TSHZ3: variants seen among roughly 807,000 people sequenced by gnomAD.
The protein encoded by TSHZ3 is teashirt zinc finger homeobox 3.
TSHZ3 carries 10 observed loss-of-function variants against 64.5 expected under a neutral mutation model. That is an observed-to-expected ratio of 0.16 (90% confidence interval 0.10 to 0.26). The LOEUF (loss-of-function observed/expected upper bound fraction) is 0.26, where lower values mean the gene tolerates loss of function less well. Ranked by LOEUF, TSHZ3 falls within the 10% of genes least tolerant of loss-of-function variation. TSHZ3 has a pLI of 1.00. For missense variants in TSHZ3, 1,242 were observed against 1,421.7 expected (o/e 0.87, Z 2.03); for synonymous variants, 608 against 593.1 (o/e 1.03, Z -0.36).
intron 1 of TSHZ3, among the ~76,000 whole-genome samples, chr19:31,268,614 C>T (rs1599613623): frequency 6.6e-6 from 1 of 152,104 alleles, no homozygotes; most frequent in Non-Finnish European, 1.5e-5. Flanking sequence ...AGATTACAGC[C>T]CTCTTCCCTC....
intron 1 of TSHZ3, among the ~76,000 whole-genome samples, chr19:31,325,450 C>A (rs1385644027): frequency 6.6e-6 from 1 of 152,192 alleles, no homozygotes; most frequent in African/African-American, 2.4e-5. Context: ...TATCCGTATC[C>A]ATTTTTGTTG....
intron 3 of TSHZ3, among the ~76,000 whole-genome samples, chr19:31,236,967 G>A (rs1458374748): frequency 3.3e-5 from 5 of 152,096 alleles, no homozygotes; most frequent in African/African-American, 9.7e-5. Context: ...TGGCCAACAC[G>A]GTGAAACCCC....
chr19:31,348,377 TG>T (rs1426030585), intron 1 of TSHZ3, among the ~76,000 whole-genome samples: 19 of 151,984 alleles, frequency 1.3e-4, no homozygotes, highest in African/African-American at 4.4e-4. Context: ...GTGTGGTTTT[TG>T]TTTTGTTTTC....
chr19:31,309,482 C>G (rs1916394570), intron 1 of TSHZ3, among the ~76,000 whole-genome samples: 1 of 152,144 alleles, frequency 6.6e-6, no homozygotes, highest in African/African-American at 2.4e-5. Flanking sequence ...CATTGAGGCT[C>G]TCTCAGTATA....
intron 5 of TSHZ3, among the ~76,000 whole-genome samples, chr19:31,194,447 A>C (rs574505031): frequency 6.6e-6 from 1 of 152,298 alleles, no homozygotes; most frequent in African/African-American, 2.4e-5. Context: ...GAAAGGAAAT[A>C]CCCAACTCCA....
At chr19:31,233,494 G>A (rs989627876) in intron 3 of TSHZ3, among the ~76,000 whole-genome samples, 2 of 152,048 alleles carry the variant, frequency 1.3e-5, no homozygotes, top group African/African-American at 2.4e-5. Flanking sequence ...ACTAGTCTTT[G>A]CCAGATATGT....
chr19:31,225,320 C>T (rs1975445239), intron 4 of TSHZ3, among the ~76,000 whole-genome samples: 1 of 152,132 alleles, frequency 6.6e-6, no homozygotes, highest in African/African-American at 2.4e-5. Context: ...GCAAACAAGC[C>T]TAGGGGGATA....
rs531021804 is a variant in TSHZ3 at position 31,278,864 on chromosome 19, G to C, written c.929C>G (p.Thr310Ser). ...AGGGATGATTTTGGCGGCGACAGGAGTGACGGGTTCCTTCAGAGGCACTTT... is the reference window on the plus strand; with the variant it reads ...AGGGATGATTTTGGCGGCGACAGGACTGACGGGTTCCTTCAGAGGCACTTT... ...YQKVPLKEPVTPVAAKIIPAT... is the reference protein window; with the variant it reads ...YQKVPLKEPVSPVAAKIIPAT... Residue 310 changes from threonine (T) to serine (S), a missense_variant, in exon 2 of 2, where the codon ACT becomes AGT. Thr to Ser is a moderately conservative substitution (Grantham distance 58). This residue lies in a region of TSHZ3 where 555 missense variants were observed against 704.0 expected (regional missense o/e 0.79). Transcript: ENST00000240587. This position sits in a 1 kb window ranked among gnomAD's most constrained non-coding sequence, Gnocchi z 4.7. 28 of 1,614,142 alleles carry C rather than the reference G, an allele frequency of 1.7e-5. No homozygotes were observed. In the South Asian group the frequency reaches 2.6e-4, roughly 15 times the overall value.
chr19:31,257,730 T>C (rs1181668034), intron 1 of TSHZ3, among the ~76,000 whole-genome samples: 1 of 152,204 alleles, frequency 6.6e-6, no homozygotes, highest in Non-Finnish European at 1.5e-5. Flanking sequence ...GGCTTGTCCC[T>C]GGGCCTGACC....
intron 1 of TSHZ3, among the ~76,000 whole-genome samples, chr19:31,329,896 G>C (rs144410382): frequency 6.6e-6 from 1 of 152,222 alleles, no homozygotes; most frequent in Non-Finnish European, 1.5e-5. Flanking sequence ...TGCCAAAATT[G>C]TTGTGTGTTT....
At chr19:31,188,798 G>C (rs1169481694) in intron 5 of TSHZ3, among the ~76,000 whole-genome samples, 1 of 151,758 alleles carries the variant, frequency 6.6e-6, no homozygotes, top group African/African-American at 2.4e-5. Context: ...CATTGAGCTA[G>C]GTTCATCAAA....
chr19:31,314,005 G>C (rs1400160825), intron 1 of TSHZ3, among the ~76,000 whole-genome samples: 2 of 152,174 alleles, frequency 1.3e-5, no homozygotes, highest in African/African-American at 4.8e-5. Flanking sequence ...CTCTCTGCCT[G>C]CTTCCCAGGT....
At chr19:31,293,485 T>G (rs1336909119) in intron 1 of TSHZ3, among the ~76,000 whole-genome samples, 1 of 152,220 alleles carries the variant, frequency 6.6e-6, no homozygotes, top group Non-Finnish European at 1.5e-5. Flanking sequence ...TTGATGCTGT[T>G]TCTTCCATTT....
intron 1 of TSHZ3, among the ~76,000 whole-genome samples, chr19:31,253,538 T>C (rs1975869304): frequency 6.6e-6 from 1 of 152,160 alleles, no homozygotes; most frequent in South Asian, 2.1e-4. Context: ...TTTTTTTTAA[T>C]CTTTGTAGAG....
chr19:31,323,778 C>G (rs1916846303), intron 1 of TSHZ3, among the ~76,000 whole-genome samples: 1 of 151,772 alleles, frequency 6.6e-6, no homozygotes, highest in South Asian at 2.1e-4. Context: ...AATCACCTTC[C>G]CACACTGCCA....
intron 4 of TSHZ3, among the ~76,000 whole-genome samples, chr19:31,208,627 G>A (rs1051510027): frequency 1.3e-5 from 2 of 152,188 alleles, no homozygotes; most frequent in Non-Finnish European, 2.9e-5. Context: ...ACTGGAAATA[G>A]GATTAGAAGA....
intron 5 of TSHZ3, among the ~76,000 whole-genome samples, chr19:31,161,062 C>T (rs1974368621): frequency 6.6e-6 from 1 of 152,072 alleles, no homozygotes; most frequent in Non-Finnish European, 1.5e-5. Flanking sequence ...ATTTAACATT[C>T]ATTTATATAT....
At chr19:31,262,731 G>A (rs1490195736) in intron 1 of TSHZ3, among the ~76,000 whole-genome samples, 1 of 152,060 alleles carries the variant, frequency 6.6e-6, no homozygotes, top group Non-Finnish European at 1.5e-5. Flanking sequence ...GGGGTTGTTG[G>A]TTTTAATAGC....
At position 31,172,183 on chromosome 19, in the gene TSHZ3, G is replaced by T. The variant is rs756305003; in HGVS notation, n.810-15766C>A. On this transcript the variant is annotated intron_variant and non_coding_transcript_variant, in intron 5 of 6. Coordinates refer to the TSHZ3 transcript ENST00000651361. ...CGACCAAGATTTAGGGCAGAGGTTTGAAGTCACACTTTTTGGGTTGACTCT... is the reference window on the plus strand; with the variant it reads ...CGACCAAGATTTAGGGCAGAGGTTTTAAGTCACACTTTTTGGGTTGACTCT... Among the ~76,000 whole-genome samples, 15 of 152,176 alleles carry T rather than the reference G, an allele frequency of 9.9e-5. 1 individual carries two copies. The highest frequency in any genetic ancestry group is 6.3e-3 in the Middle Eastern group (2 of 316).
Sources: gnomAD v4.1 joint callset for allele counts (sites outside exome capture counted in the v4.1 genomes callset) on GRCh38, gnomAD v4.1.1 for gene constraint, gnomAD v4.1.1 regional missense constraint, Gnocchi (gnomAD v3.1) non-coding constraint, MANE v1.5 for transcripts, NCBI Gene and HGNC (gene_info 2026-07-23, HGNC 2026-07-21) for gene names.